The following NIPBL variants were observed in gnomAD, a reference collection of about 807,000 sequenced individuals.
The protein encoded by NIPBL is NIPBL cohesin loading factor, also known as nipped-B-like protein.
A neutral mutation model predicts 321.8 loss-of-function variants in NIPBL; 19 were observed. The observed-to-expected ratio is 0.06, with a 90% CI of 0.04 to 0.09. The LOEUF (loss-of-function observed/expected upper bound fraction) is 0.09, where lower values mean the gene tolerates loss of function less well. Among genes scored for constraint, NIPBL ranks in the 10% least tolerant of loss-of-function variants. The probability of loss-of-function intolerance (pLI) is 1.00; values close to 1 mark genes in which losing one functional copy is unlikely to be tolerated. For synonymous variants in NIPBL, 1,106 were observed against 1,114.1 expected (o/e 0.99, Z 0.14); for missense variants, 2,210 against 3,327.0 (o/e 0.66, Z 8.26).
chr5:36,894,076 C>G (rs868237460), intron 1 of NIPBL, among the ~76,000 whole-genome samples: 2 of 152,148 alleles, frequency 1.3e-5, no homozygotes, highest in Non-Finnish European at 1.5e-5. Flanking sequence ...CACACTAAGT[C>G]CTCAGCAAAT....
At chr5:36,925,151 G>A (rs1295515246) in intron 1 of NIPBL, among the ~76,000 whole-genome samples, 1 of 152,044 alleles carries the variant, frequency 6.6e-6, no homozygotes, top group Non-Finnish European at 1.5e-5. Flanking sequence ...ACTCAAATAA[G>A]TGATGCTATC....
Position 37,043,128 on chromosome 5 carries a change from G to A in NIPBL, c.6109-1219G>A, listed in dbSNP as rs1038514662. On this transcript the variant is annotated intron_variant, in intron 34 of 46. Transcript: ENST00000282516. ...AAGAAGTCCTAGGCTGAGCATGGTG[G>A]CCCACACCTGTAATCCCAGTACTTT... Among the ~76,000 whole-genome samples the A allele has an allele frequency of 3.3e-5, 5 of 152,070 alleles. No individual in the cohort carries two copies. The South Asian group carries it at 6.2e-4, about 19-fold the overall frequency.
intron 1 of NIPBL, among the ~76,000 whole-genome samples, chr5:36,896,198 T>C (rs1169744878): frequency 6.6e-6 from 1 of 152,258 alleles, no homozygotes; most frequent in African/African-American, 2.4e-5. Context: ...TTCTTTCCCA[T>C]TGAATGGTCT....
At chr5:36,991,705 G>T (rs1054292663) in intron 10 of NIPBL, among the ~76,000 whole-genome samples, 1 of 150,484 alleles carries the variant, frequency 6.6e-6, no homozygotes, top group African/African-American at 2.4e-5. Context: ...GTAGGTTAGT[G>T]GAAGAATTGT....
chr5:36,959,082 C>G (rs746042384), intron 4 of NIPBL, among the ~76,000 whole-genome samples: 3 of 152,106 alleles, frequency 2.0e-5, no homozygotes, highest in Admixed American at 1.3e-4. Context: ...TGGTGTGCGC[C>G]TGTAGTCCCA....
chr5:36,961,547 A>G lies in NIPBL; in HGVS notation c.422A>G (p.Asn141Ser), dbSNP rs1339411815. Residue 141 changes from asparagine to serine, a missense_variant, in exon 5 of 47, where the codon AAT becomes AGT. Physicochemically the swap from Asn to Ser is conservative, Grantham distance 46 (BLOSUM62 1). Around this residue, in one of 14 missense-constraint regions of NIPBL, gnomAD observed 464 missense variants for 529.5 expected, o/e 0.88. Transcript: ENST00000282516. ...ATGCACAGTAGTCCTGCATCTTCCA[A>G]TTATCAACAAACCACTATCTCACAT... ...NSMHSSPASS[N>S]YQQTTISHSP... is the part of the protein sequence containing the mutation. The G allele has an allele frequency of 3.7e-6, 6 of 1,610,770 alleles. No homozygotes were observed. The highest frequency in any genetic ancestry group is 4.5e-5 in the East Asian group (2 of 44,748).
intron 9 of NIPBL, among the ~76,000 whole-genome samples, chr5:36,980,455 A>G (rs914628652): frequency 6.6e-6 from 1 of 151,656 alleles, no homozygotes; most frequent in Non-Finnish European, 1.5e-5. Context: ...ATGATGTTTC[A>G]TTTCACACCA....
intron 21 of NIPBL, among the ~76,000 whole-genome samples, chr5:37,011,504 G>A (rs138001754): frequency 2.0e-3 from 299 of 152,232 alleles, no homozygotes; most frequent in Non-Finnish European, 2.9e-3. Flanking sequence ...TCAGTGAGCC[G>A]AGATTGTGCC....
In NIPBL at chr5:37,006,446, C is replaced by A; in HGVS notation, c.3945C>A (p.Ile1315=). Residue 1315 remains isoleucine, a synonymous_variant, in exon 17 of 47, where the codon ATC becomes ATA. Coordinates refer to ENST00000282516, the MANE Select transcript of NIPBL (RefSeq NM_133433.4). ...CAGCGGATGCTTGTCTTACAACTAT[C>A]AACATTATGACATCCCCTAACATGC... ...TKSADACLTT[I]NIMTSPNMPK... 6.2e-7 allele frequency: 1 copy of A among 1,612,538 alleles called. No individual in the cohort carries two copies. Among genetic ancestry groups the A allele is most frequent in the Non-Finnish European group, 8.5e-7 (1 of 1,178,764 alleles).
chr5:36,962,338 T>C (rs1741717044), intron 6 of NIPBL, 64 bp downstream of exon 6: 5 of 1,560,780 alleles, frequency 3.2e-6, no homozygotes, highest in Middle Eastern at 1.8e-4. Context: ...GCAAATTTGT[T>C]TTTTAAAATA....
chr5:37,057,050 C>CT (rs1298444885), intron 42 of NIPBL, 136 bp from the exon 43 acceptor site: 2 of 804,150 alleles, frequency 2.5e-6, no homozygotes, highest in Non-Finnish European at 4.1e-6. Flanking sequence ...TCTCCCCACT[C>CT]TCTCCGTGTG....
At chr5:36,903,138 G>C (rs192017796) in intron 1 of NIPBL, among the ~76,000 whole-genome samples, 1 of 152,182 alleles carries the variant, frequency 6.6e-6, no homozygotes, top group South Asian at 2.1e-4. Context: ...CTGTGCTGAC[G>C]TGGTTTATCA....
At chr5:36,920,169 G>C (rs982289872) in intron 1 of NIPBL, among the ~76,000 whole-genome samples, 2 of 152,102 alleles carry the variant, frequency 1.3e-5, no homozygotes, top group Non-Finnish European at 2.9e-5. Flanking sequence ...GGCTTCTCAA[G>C]TGACACAAAT....
intron 1 of NIPBL, among the ~76,000 whole-genome samples, chr5:36,903,409 A>G (rs1314036098): frequency 3.9e-5 from 6 of 152,212 alleles, no homozygotes; most frequent in Admixed American, 3.3e-4. Context: ...TGGGTTTGCT[A>G]TAGATGGCTC....
intron 25 of NIPBL, 73 bp downstream of exon 25, chr5:37,019,473 G>A: frequency 9.5e-7 from 1 of 1,056,400 alleles, no homozygotes; most frequent in Non-Finnish European, 1.5e-6. Flanking sequence ...TTGGGAGGTA[G>A]CATGATGAAG....
At chr5:36,944,837 C>G (rs993114908) in intron 1 of NIPBL, among the ~76,000 whole-genome samples, 2 of 152,016 alleles carry the variant, frequency 1.3e-5, no homozygotes, top group African/African-American at 4.8e-5. Context: ...CACATAAAAG[C>G]CTTTTCCTTG....
intron 1 of NIPBL, among the ~76,000 whole-genome samples, chr5:36,929,414 C>T (rs1749609510): frequency 6.6e-6 from 1 of 151,910 alleles, no homozygotes; most frequent in Non-Finnish European, 1.5e-5. Flanking sequence ...GTTGTGTTAT[C>T]TTCTTGTTCA....
intron 1 of NIPBL, among the ~76,000 whole-genome samples, chr5:36,929,334 T>G (rs535555264): frequency 2.0e-5 from 3 of 152,094 alleles, no homozygotes; most frequent in Non-Finnish European, 4.4e-5. Flanking sequence ...CTTTTTTTTG[T>G]ATATTTATAA....
intron 25 of NIPBL, among the ~76,000 whole-genome samples, chr5:37,019,705 G>A (rs1294182474): frequency 1.3e-5 from 2 of 152,080 alleles, no homozygotes; most frequent in Non-Finnish European, 2.9e-5. Context: ...AGTATGGGCC[G>A]AGTGGTACAT....
Sources: allele counts gnomAD v4.1 joint callset (sites outside exome capture counted in the v4.1 genomes callset), GRCh38; gene constraint gnomAD v4.1.1; regional missense constraint gnomAD v4.1.1; transcripts MANE v1.5; gene names NCBI Gene and HGNC (gene_info 2026-07-23, HGNC 2026-07-21).